The following IFT74 variants were observed in gnomAD, a reference collection of about 807,000 sequenced individuals.
The protein encoded by IFT74 is intraflagellar transport 74, also known as intraflagellar transport protein 74 homolog.
In IFT74, 92 loss-of-function variants were observed where a neutral mutation model predicts 96.7. That is an observed-to-expected ratio of 0.95 (90% CI 0.80 to 1.13). IFT74 has a LOEUF of 1.13. IFT74 is among the 50% of genes most tolerant of loss of function. IFT74 has a pLI of 0.00. For missense variants in IFT74, 811 were observed against 698.2 expected, an observed-to-expected ratio of 1.16 and a Z score of -1.82; for synonymous variants, 223 against 213.2, an observed-to-expected ratio of 1.05 and a Z score of -0.40.
intron 1 of IFT74, among the ~76,000 whole-genome samples, chr9:26,957,475 G>C (rs1049456657): frequency 6.6e-6 from 1 of 152,168 alleles, no homozygotes; most frequent in Non-Finnish European, 1.5e-5. Context: ...TGTACATAGA[G>C]TTCAAAATGG....
intron 12 of IFT74, among the ~76,000 whole-genome samples, chr9:27,024,510 G>T (rs1587372785): frequency 1.3e-5 from 2 of 152,136 alleles, no homozygotes; most frequent in African/African-American, 4.8e-5. Context: ...AAACGAATCT[G>T]AACAGCAGTC....
At chr9:26,951,875 G>A (rs978894466), upstream of IFT74, among the ~76,000 whole-genome samples, 2 of 152,178 alleles carry the variant, frequency 1.3e-5, no homozygotes, top group African/African-American at 4.8e-5. Flanking sequence ...TCCAGCCTGG[G>A]TGAAACAGCA....
intron 6 of IFT74, among the ~76,000 whole-genome samples, chr9:26,988,407 A>T (rs534434080): frequency 6.6e-6 from 1 of 152,214 alleles, no homozygotes; most frequent in African/African-American, 2.4e-5. Flanking sequence ...GCTCCACAAG[A>T]TATAATATTC....
chr9:27,046,655 TAGTC>T (rs972429310), intron 14 of IFT74, among the ~76,000 whole-genome samples: 2 of 152,166 alleles, frequency 1.3e-5, no homozygotes, highest in African/African-American at 4.8e-5. Context: ...ATAAAGTTAG[TAGTC>T]AGGGTGTTAA....
At chr9:27,048,319 T>C (rs1157439023) in intron 16 of IFT74, 45 bp downstream of exon 16, 1 of 1,270,062 alleles carries the variant, frequency 7.9e-7, no homozygotes, top group South Asian at 1.6e-5. Flanking sequence ...TTTTAAAATA[T>C]ATCAATGTTA....
chr9:26,994,730 C>T (rs1312356588), intron 8 of IFT74: 1 of 152,486 alleles, frequency 6.6e-6, no homozygotes, highest in Non-Finnish European at 1.5e-5. Context: ...AAATAGCTGT[C>T]CATGGACCAC....
intron 19 of IFT74, 197 bp downstream of exon 19, chr9:27,060,848 C>T (rs527255328): frequency 1.0e-4 from 33 of 325,316 alleles, no homozygotes; most frequent in African/African-American, 6.5e-4. Context: ...TGCAATCCCA[C>T]CTACTTGGGA....
chr9:26,972,702 T>A (rs1196367584), intron 2 of IFT74, among the ~76,000 whole-genome samples: 1 of 151,918 alleles, frequency 6.6e-6, no homozygotes, highest in Non-Finnish European at 1.5e-5. Flanking sequence ...ATCCTAAAAA[T>A]TTTTTTGGTT....
chr9:26,968,354 C>T lies in IFT74; in HGVS notation c.120+6267C>T, dbSNP rs528742620. ...TCTGCTCACTACAACCTCTGCCTCC[C>T]GGGTTCAAGCGATTCTCCTTTCTCA... On this transcript the variant is annotated intron_variant, in intron 2 of 19. Coordinates refer to ENST00000380062, the MANE Select transcript of IFT74 (RefSeq NM_025103.4). Among the ~76,000 whole-genome samples, 44 of 152,012 alleles carry T rather than the reference C, an allele frequency of 2.9e-4. No individual in the cohort carries two copies. The South Asian group carries it at 2.9e-3, about 10-fold the overall frequency.
At chr9:27,040,198 TA>T (rs2131671518) in intron 13 of IFT74, among the ~76,000 whole-genome samples, 1 of 152,264 alleles carries the variant, frequency 6.6e-6, no homozygotes, top group African/African-American at 2.4e-5. Flanking sequence ...AGAGAAAAAC[TA>T]GAGCTCGTTC....
At chr9:26,994,323 G>A (rs575469081) in intron 8 of IFT74, 2 of 152,242 alleles carry the variant, frequency 1.3e-5, no homozygotes, top group South Asian at 2.1e-4. Flanking sequence ...TAGATCATGA[G>A]GTCAGGCGTT....
chr9:26,998,390 ATCTTTT>A (rs1828288073), intron 8 of IFT74: 1 of 480,378 alleles, frequency 2.1e-6, no homozygotes, highest in Admixed American at 3.9e-5. Flanking sequence ...AGTAGAGCAA[ATCTTTT>A]TCTTTATTGG....
At chr9:27,052,507 CAAA>C (rs1187027414) in intron 16 of IFT74, among the ~76,000 whole-genome samples, 4 of 57,204 alleles carry the variant, frequency 7.0e-5, no homozygotes, top group African/African-American at 1.3e-4. Flanking sequence ...AAATCTATCT[CAAA>C]AAAAAAAAAA....
chr9:26,954,228 C>T (rs1003398733), upstream of IFT74, among the ~76,000 whole-genome samples: 3 of 152,114 alleles, frequency 2.0e-5, no homozygotes, highest in Admixed American at 6.5e-5. Flanking sequence ...AGACTGAAGT[C>T]GCTCTAATGC....
intron 6 of IFT74, among the ~76,000 whole-genome samples, chr9:26,988,397 G>T (rs888845977): frequency 5.9e-5 from 9 of 152,156 alleles, no homozygotes. Context: ...AGCAGGCAAA[G>T]CTCCACAAGA....
At position 27,031,423 on chromosome 9, in the gene IFT74, C is replaced by T. The variant is rs368826840; in HGVS notation, c.1054+2319C>T. 9.2e-5 allele frequency among the ~76,000 whole-genome samples: 14 copies of T among 151,610 alleles called. No individual in the cohort carries two copies. In the East Asian group the frequency reaches 2.5e-3, roughly 27 times the overall value. On this transcript the variant is annotated intron_variant, in intron 13 of 19. Coordinates refer to ENST00000380062, the MANE Select transcript of IFT74 (RefSeq NM_025103.4). Reference sequence around the variant, plus strand: ...CGGAACTTGCAGTGAGCCAAGATCGCGCCTCTATGCTCCAGCCTGGGTGAC... The same window carrying T: ...CGGAACTTGCAGTGAGCCAAGATCGTGCCTCTATGCTCCAGCCTGGGTGAC...
chr9:27,065,423 A>G lies in IFT74; in HGVS notation c.*2687A>G, dbSNP rs1386567172. Among the ~76,000 whole-genome samples the G allele has an allele frequency of 1.3e-5, 2 of 152,176 alleles. No individual in the cohort carries two copies. Among genetic ancestry groups the G allele is most frequent in the Admixed American group, 1.3e-4 (2 of 15,282 alleles). On this transcript the variant is annotated 3_prime_UTR_variant, in exon 20 of 20. Transcript: ENST00000380062. ...GCTAAAATAACACCTTGTAAGTCAC[A>G]TGGAAAGAAGCTGCAGACTGAACAA...
At chr9:27,022,933 C>A (rs193199388) in intron 12 of IFT74, among the ~76,000 whole-genome samples, 1 of 152,038 alleles carries the variant, frequency 6.6e-6, no homozygotes, top group Non-Finnish European at 1.5e-5. Flanking sequence ...CCACCGCGCC[C>A]GACCGAGTTC....
chr9:27,027,524 C>T (rs770187474), intron 12 of IFT74, among the ~76,000 whole-genome samples: 5 of 152,016 alleles, frequency 3.3e-5, no homozygotes, highest in Non-Finnish European at 5.9e-5. Flanking sequence ...GGGTATGAAG[C>T]GGTGTCTCAC....
Sources: gnomAD v4.1 joint callset for allele counts (sites outside exome capture counted in the v4.1 genomes callset) on GRCh38, gnomAD v4.1.1 for gene constraint, MANE v1.5 for transcripts, NCBI Gene and HGNC (gene_info 2026-07-23, HGNC 2026-07-21) for gene names.